Variants in RXFP1 observed in about 807,000 individuals in gnomAD.
RXFP1 encodes relaxin family peptide receptor 1.
RXFP1 carries 73 observed loss-of-function variants against 89.8 expected under a neutral mutation model. That is an observed-to-expected ratio of 0.81 (90% confidence interval 0.67 to 0.99). The LOEUF is 0.99. Among genes scored for constraint, RXFP1 ranks in the 50% least tolerant of loss-of-function variants. The pLI, the probability that RXFP1 is intolerant of heterozygous loss-of-function variation, is 0.00. For synonymous variants in RXFP1, 277 were observed against 305.5 expected, an observed-to-expected ratio of 0.91 and a Z score of 0.97; for missense variants, 793 against 895.5, an observed-to-expected ratio of 0.89 and a Z score of 1.46.
chr4:158,633,836 T>C (rs1224135803), intron 12 of RXFP1, among the ~76,000 whole-genome samples: 9 of 152,228 alleles, frequency 5.9e-5, no homozygotes, highest in Non-Finnish European at 1.0e-4. Flanking sequence ...TCTTCAAGTT[T>C]CATTTCTGTT....
At chr4:158,593,073 C>T (rs1437683813) in intron 2 of RXFP1, among the ~76,000 whole-genome samples, 2 of 146,192 alleles carry the variant, frequency 1.4e-5, no homozygotes, top group African/African-American at 5.2e-5. Flanking sequence ...GGCGACCAGG[C>T]GAGACTCTGT....
In RXFP1 at chr4:158,647,217, ACT is replaced by A; in HGVS notation, c.1756+17_1756+18del. On this transcript the variant is annotated intron_variant, in intron 16 of 17. Coordinates refer to ENST00000307765, the MANE Select transcript of RXFP1 (RefSeq NM_021634.4). ...ATTTTTCTTGGTAAGAAACTAAGAA[ACT>A]AATGTTCACAAATTTTTATTTCAAA... 1 of 1,535,378 alleles carries A rather than the reference ACT, an allele frequency of 6.5e-7. No individual in the cohort carries two copies. The highest frequency in any genetic ancestry group is 8.7e-7 in the Non-Finnish European group (1 of 1,143,684).
chr4:158,538,828 G>C (rs909222763), intron 1 of RXFP1, among the ~76,000 whole-genome samples: 2 of 150,090 alleles, frequency 1.3e-5, no homozygotes, highest in African/African-American at 4.9e-5. Flanking sequence ...AAAAAGAATA[G>C]GTACAAAAAT....
chr4:158,628,517 G>A (rs1358612139), intron 10 of RXFP1, 121 bp from the exon 11 acceptor site: 3 of 432,752 alleles, frequency 6.9e-6, no homozygotes, highest in Non-Finnish European at 1.3e-5. Flanking sequence ...ACTTCAAAAT[G>A]TCTTTATGTG....
chr4:158,634,710 T>C (rs1299455133), intron 12 of RXFP1, among the ~76,000 whole-genome samples: 1 of 152,150 alleles, frequency 6.6e-6, no homozygotes, highest in East Asian at 1.9e-4. Context: ...CTTATGTACA[T>C]GGTGTAAGGT....
chr4:158,631,956 G>T (rs28486085), intron 11 of RXFP1, among the ~76,000 whole-genome samples: 6,070 of 152,182 alleles, frequency 0.04, 374 homozygotes, highest in African/African-American at 0.14. Context: ...AGCTGGGCAT[G>T]GTGGCATATG....
At chr4:158,530,656 CTTTT>C (rs1408534879) in intron 1 of RXFP1, among the ~76,000 whole-genome samples, 1 of 152,176 alleles carries the variant, frequency 6.6e-6, no homozygotes, top group African/African-American at 2.4e-5. Context: ...TTTAACCTCC[CTTTT>C]TTGTGTTAAG....
At chr4:158,617,426 A>AT (rs1554017038) in intron 9 of RXFP1, among the ~76,000 whole-genome samples, 158 of 149,244 alleles carry the variant, frequency 1.1e-3, no homozygotes, top group Middle Eastern at 3.5e-3. Flanking sequence ...TCTCAAAAAA[A>AT]ATATATATAT....
chr4:158,543,722 TC>T, intron 1 of RXFP1: 1 of 975,296 alleles, frequency 1.0e-6, no homozygotes, highest in South Asian at 4.7e-5. Flanking sequence ...CCCTAGTACT[TC>T]CTCCTGAAGA....
chr4:158,575,669 T>C (rs1756039057), intron 2 of RXFP1, among the ~76,000 whole-genome samples: 1 of 152,184 alleles, frequency 6.6e-6, no homozygotes, highest in African/African-American at 2.4e-5. Context: ...GGGCCATCAC[T>C]AGACATGACT....
intron 13 of RXFP1, among the ~76,000 whole-genome samples, chr4:158,638,811 CAAAA>C (rs57989269): frequency 7.8e-6 from 1 of 128,088 alleles, no homozygotes. Context: ...GACCCTGTCT[CAAAA>C]AAAAAAAAAA....
intron 2 of RXFP1, among the ~76,000 whole-genome samples, chr4:158,578,190 G>A (rs763661383): frequency 6.6e-6 from 1 of 152,146 alleles, no homozygotes; most frequent in East Asian, 1.9e-4. Flanking sequence ...GATGTTTCCT[G>A]AGTTATGCAA....
chr4:158,639,407 C>A (rs1769910304), intron 14 of RXFP1, 76 bp downstream of exon 14: 2 of 827,290 alleles, frequency 2.4e-6, no homozygotes, highest in Non-Finnish European at 4.0e-6. Flanking sequence ...TGCATCCAAT[C>A]TATTAATATT....
intron 2 of RXFP1, among the ~76,000 whole-genome samples, chr4:158,579,924 A>G (rs896323824): frequency 2.6e-5 from 4 of 152,184 alleles, no homozygotes; most frequent in Non-Finnish European, 5.9e-5. Context: ...AGGTATGGCT[A>G]CAAGAGACAC....
chr4:158,522,026 G>GT lies in RXFP1; in HGVS notation c.49+2dup. ...TACATCTTAATTTTTGGAAAATATT[G>GT]TAAGTATGCTCAGTATCTAATTTTG... On this transcript the variant is annotated splice_donor_variant, in intron 1 of 17. Coordinates refer to ENST00000307765, the MANE Select transcript of RXFP1 (RefSeq NM_021634.4). LOFTEE classifies it high-confidence loss of function. 6.4e-7 allele frequency: 1 copy of GT among 1,564,558 alleles called. No homozygotes were observed. The highest frequency in any genetic ancestry group is 8.8e-7 in the Non-Finnish European group (1 of 1,136,374).
intron 9 of RXFP1, among the ~76,000 whole-genome samples, chr4:158,625,254 A>T (rs2150177849): frequency 6.6e-6 from 1 of 152,252 alleles, no homozygotes; most frequent in East Asian, 1.9e-4. Context: ...GAATAACAGA[A>T]ATTTGGAAGG....
chr4:158,602,329 T>C (rs929870469), intron 4 of RXFP1, among the ~76,000 whole-genome samples: 2 of 152,184 alleles, frequency 1.3e-5, no homozygotes, highest in Non-Finnish European at 2.9e-5. Flanking sequence ...CTTTCCTCTA[T>C]AGTAACTCTC....
chr4:158,566,366 A>G (rs1753537749), intron 1 of RXFP1, among the ~76,000 whole-genome samples: 1 of 104,894 alleles, frequency 9.5e-6, no homozygotes, highest in Non-Finnish European at 2.0e-5. Context: ...TTTTAAAATT[A>G]TCTCAAAATT....
chr4:158,612,700 TC>T (rs1387195923), intron 8 of RXFP1, among the ~76,000 whole-genome samples: 1 of 150,530 alleles, frequency 6.6e-6, no homozygotes, highest in Non-Finnish European at 1.5e-5. Context: ...AACCCCCGCC[TC>T]CTGGGTTCAA....
Sources: allele counts gnomAD v4.1 joint callset (sites outside exome capture counted in the v4.1 genomes callset), GRCh38; gene constraint gnomAD v4.1.1; transcripts MANE v1.5; gene names NCBI Gene and HGNC (gene_info 2026-07-23, HGNC 2026-07-21).